The following THNSL1 variants were observed in gnomAD, a reference collection of about 807,000 sequenced individuals.
THNSL1 encodes threonine synthase like 1, also known as threonine synthase-like 1.
THNSL1 carries 48 observed loss-of-function variants against 50.4 expected under a neutral mutation model. The ratio of observed to expected loss-of-function variants is 0.95; its 90% CI spans 0.76 to 1.21. The LOEUF is 1.21. Among genes scored for constraint, THNSL1 ranks in the 50% most tolerant of loss-of-function variants. THNSL1 has a pLI of 0.00. For missense variants in THNSL1, 896 were observed against 871.7 expected (o/e 1.03, Z -0.35); for synonymous variants, 309 against 306.1 (o/e 1.01, Z -0.10).
chr10:24,990,992 C>T, the THNSL1 span, among the ~76,000 whole-genome samples: 11 of 152,170 alleles, frequency 7.2e-5, no homozygotes, highest in Non-Finnish European at 1.3e-4. Context: ...CCCAGCTATT[C>T]GGGTGGCTGA....
the THNSL1 span, chr10:24,981,885 T>C: frequency 6.6e-6 from 1 of 152,214 alleles, no homozygotes; most frequent in Non-Finnish European, 1.5e-5. Flanking sequence ...TACTAACTGA[T>C]TGGTATGGAA....
chr10:25,024,481 A>G lies in THNSL1; in HGVS notation c.1258A>G (p.Ile420Val). 1.2e-6 allele frequency: 2 copies of G among 1,614,220 alleles called. No individual in the cohort carries two copies. The highest frequency in any genetic ancestry group is 1.7e-6 in the Non-Finnish European group (2 of 1,180,024). ...AGTAAGTGATTTTCAAAAAGCACAA[A>G]TAATTGGCAGTCAGAGAGAAAATGG... ...NGVSDFQKAQ[I>V]IGSQRENGWA... is the part of the protein sequence containing the mutation. The change falls in exon 3 of 3, where the codon ATA becomes GTA. Residue 420 changes from isoleucine to valine, a missense_variant. Transcript: ENST00000376356.
At chr10:25,016,158 T>C, upstream of THNSL1, 2 of 1,205,076 alleles carry the variant, frequency 1.7e-6, no homozygotes, top group Non-Finnish European at 2.1e-6. Context: ...TCGTTGACTG[T>C]GCGGTTGCCG....
At chr10:25,023,102 G>T in intron 2 of THNSL1, 74 bp from the exon 3 acceptor site, 2 of 921,688 alleles carry the variant, frequency 2.2e-6, no homozygotes, top group South Asian at 3.5e-5. Flanking sequence ...GTCCTATTGG[G>T]ATTTTAACAA....
the THNSL1 span, among the ~76,000 whole-genome samples, chr10:24,954,229 G>A: frequency 6.6e-6 from 1 of 152,138 alleles, no homozygotes; most frequent in Non-Finnish European, 1.5e-5. Flanking sequence ...ACTCTCCTGG[G>A]GAGCTGGTTA....
upstream of THNSL1, among the ~76,000 whole-genome samples, chr10:25,013,828 G>C (rs1850504898): frequency 6.6e-6 from 1 of 152,114 alleles, no homozygotes; most frequent in Non-Finnish European, 1.5e-5. Flanking sequence ...TGTAATCCCA[G>C]CTACTCGGGA....
rs766497076 is a variant in THNSL1 at position 25,023,414 on chromosome 10, C to T, written c.191C>T (p.Pro64Leu). The change falls in exon 3 of 3, where the codon CCT (proline) becomes CTT (leucine). Residue 64 changes from proline (P) to leucine (L), a missense_variant. By Grantham distance (98) the Pro-to-Leu change is moderately conservative. Coordinates refer to ENST00000376356, the MANE Select transcript of THNSL1 (RefSeq NM_024838.5). ...AAAAATATTATCCTGATGGGACCTC[C>T]TGGTGCTGGGAAAACAACAGTAGGC... ...GDKNIILMGP[P>L]GAGKTTVGRI... 2 of 1,614,104 alleles carry T rather than the reference C, an allele frequency of 1.2e-6. No individual in the cohort carries two copies. Among genetic ancestry groups the T allele is most frequent in the Non-Finnish European group, 1.7e-6 (2 of 1,180,004 alleles).
chr10:24,952,581 TC>T, the THNSL1 span: 2 of 1,532,686 alleles, frequency 1.3e-6, no homozygotes, highest in Non-Finnish European at 1.8e-6. The surrounding 1 kb of genome is among the most constrained non-coding windows in gnomAD (Gnocchi z 5.1). Context: ...GCCATGTTTC[TC>T]CCGGGGAACG....
At chr10:24,975,656 CT>C in the THNSL1 span, among the ~76,000 whole-genome samples, 5 of 152,154 alleles carry the variant, frequency 3.3e-5, no homozygotes, top group South Asian at 2.1e-4. Flanking sequence ...GCTCTCTCAC[CT>C]GCCACCATGT....
chr10:24,995,611 A>G, the THNSL1 span: 1 of 1,535,206 alleles, frequency 6.5e-7, no homozygotes, highest in Non-Finnish European at 8.9e-7. Context: ...AATTATTTGA[A>G]TTTCAGCCCT....
chr10:24,965,148 C>T, the THNSL1 span, among the ~76,000 whole-genome samples: 15 of 152,216 alleles, frequency 9.9e-5, no homozygotes, highest in Admixed American at 4.6e-4. Flanking sequence ...ATCAGGAATC[C>T]CAACCCTGAA....
At chr10:25,015,870 G>T, upstream of THNSL1, 1 of 1,605,622 alleles carries the variant, frequency 6.2e-7, no homozygotes, top group Non-Finnish European at 8.5e-7. Flanking sequence ...CTAGGAGGCT[G>T]GGGAGGCTCC....
the THNSL1 span, among the ~76,000 whole-genome samples, chr10:25,008,826 A>G: frequency 2.0e-5 from 3 of 152,202 alleles, no homozygotes; most frequent in African/African-American, 4.8e-5. Flanking sequence ...TTGTGGCACT[A>G]TTCACAATAG....
chr10:24,978,497 TTCTCTC>T, the THNSL1 span, among the ~76,000 whole-genome samples: 1 of 149,618 alleles, frequency 6.7e-6, no homozygotes, highest in Non-Finnish European at 1.5e-5. Flanking sequence ...TTTCTTCTCC[TTCTCTC>T]TCTCTCTCTC....
chr10:25,020,276 A>ATATCTATATC (rs58705370), intron 1 of THNSL1, among the ~76,000 whole-genome samples: 5,401 of 149,432 alleles, frequency 0.036, 187 homozygotes, highest in East Asian at 0.097. Flanking sequence ...ATCTATATCT[A>ATATCTATATC]TATATATCTA....
the THNSL1 span, among the ~76,000 whole-genome samples, chr10:24,961,285 A>G: frequency 6.6e-6 from 1 of 152,010 alleles, no homozygotes; most frequent in Non-Finnish European, 1.5e-5. Flanking sequence ...AGTATAATAA[A>G]CTCCTTATAA....
At chr10:24,982,270 G>C in the THNSL1 span, 4 of 152,258 alleles carry the variant, frequency 2.6e-5, no homozygotes, top group Non-Finnish European at 5.9e-5. Context: ...TGTAGGATGA[G>C]AGAAAGAAAA....
the THNSL1 span, among the ~76,000 whole-genome samples, chr10:24,961,876 G>A: frequency 4.6e-5 from 7 of 152,242 alleles, no homozygotes; most frequent in East Asian, 1.9e-4. Flanking sequence ...GATTTTGACC[G>A]TGAGCAAGTT....
At chr10:24,985,240 C>A in the THNSL1 span, among the ~76,000 whole-genome samples, 18 of 152,272 alleles carry the variant, frequency 1.2e-4, no homozygotes, top group Admixed American at 3.9e-4. Context: ...GGGTAAAAAA[C>A]AACTTAGAAT....
Sources: gnomAD v4.1 joint callset for allele counts (sites outside exome capture counted in the v4.1 genomes callset) on GRCh38, gnomAD v4.1.1 for gene constraint, Gnocchi (gnomAD v3.1) non-coding constraint, MANE v1.5 for transcripts, NCBI Gene and HGNC (gene_info 2026-07-23, HGNC 2026-07-21) for gene names.